The following KHDRBS1 variants were observed in gnomAD, a reference collection of about 807,000 sequenced individuals.
KHDRBS1 encodes KH domain-containing, RNA-binding, signal transduction-associated protein 1.
A neutral mutation model predicts 48.4 loss-of-function variants in KHDRBS1; 7 were observed. The ratio of observed to expected loss-of-function variants is 0.14; its 90% CI spans 0.08 to 0.27. KHDRBS1 has a LOEUF of 0.27. Among genes scored for constraint, KHDRBS1 ranks in the 10% least tolerant of loss-of-function variants. The probability of loss-of-function intolerance (pLI) is 1.00; values close to 1 mark genes in which losing one functional copy is unlikely to be tolerated. For missense variants in KHDRBS1, 458 were observed against 601.2 expected (o/e 0.76, Z 2.49); for synonymous variants, 241 against 235.8 (o/e 1.02, Z -0.20).
intron 1 of KHDRBS1, among the ~76,000 whole-genome samples, chr1:32,021,043 T>C (rs182732720): frequency 4.0e-4 from 61 of 152,276 alleles, no homozygotes; most frequent in Middle Eastern, 3.4e-3. Context: ...ATATGCAAAA[T>C]GTTATGGGGA....
chr1:32,055,145 G>A lies in KHDRBS1; in HGVS notation n.1302-5018G>A, dbSNP rs147960361. ...CTCCTAGCTTGGTTTCCAGATTCCTGAAGTTTAAAAACTTGGATCCTGGGC... is the reference window on the plus strand; with the variant it reads ...CTCCTAGCTTGGTTTCCAGATTCCTAAAGTTTAAAAACTTGGATCCTGGGC... On this transcript the variant is annotated intron_variant and non_coding_transcript_variant, in intron 10 of 10. Transcript: ENST00000484270. 5.7e-3 allele frequency among the ~76,000 whole-genome samples: 865 copies of A among 152,214 alleles called. 10 individuals are homozygous for A. The highest frequency in any genetic ancestry group is 0.02 in the African/African-American group (833 of 41,552).
intron 1 of KHDRBS1, among the ~76,000 whole-genome samples, chr1:32,022,995 A>C (rs952492267): frequency 6.6e-6 from 1 of 152,078 alleles, no homozygotes; most frequent in African/African-American, 2.4e-5. Context: ...CTCTAATATT[A>C]ACTTTTTTTG....
intron 10 of KHDRBS1, among the ~76,000 whole-genome samples, chr1:32,058,748 A>G (rs1639510268): frequency 6.6e-6 from 1 of 152,146 alleles, no homozygotes; most frequent in Non-Finnish European, 1.5e-5. Flanking sequence ...GGTTGTAGTG[A>G]ATTGAGATCG....
downstream of KHDRBS1, among the ~76,000 whole-genome samples, chr1:32,045,931 C>T (rs187491759): frequency 6.6e-6 from 1 of 152,122 alleles, no homozygotes; most frequent in Non-Finnish European, 1.5e-5. Flanking sequence ...AGCTGAGTCA[C>T]ATGCGTAAGA....
chr1:32,016,580 T>C (rs1638744909), intron 1 of KHDRBS1, among the ~76,000 whole-genome samples: 4 of 152,022 alleles, frequency 2.6e-5, no homozygotes, highest in Admixed American at 2.0e-4. Flanking sequence ...AAGGCTAAGA[T>C]ACAGAAAGGA....
intron 10 of KHDRBS1, among the ~76,000 whole-genome samples, chr1:32,051,732 A>G (rs1248989182): frequency 2.0e-5 from 3 of 152,148 alleles, no homozygotes; most frequent in Admixed American, 6.5e-5. Flanking sequence ...TTCCTTACCT[A>G]CGGATACAGG....
chr1:32,039,395 A>G (rs1286286231), intron 7 of KHDRBS1, 120 bp from the exon 8 acceptor site: 17 of 695,462 alleles, frequency 2.4e-5, no homozygotes, highest in Admixed American at 1.0e-4. Context: ...GGGATGGGGC[A>G]GAATGAGTAT....
At chr1:32,037,686 C>T in intron 5 of KHDRBS1, 149 bp from the exon 6 acceptor site, 1 of 844,552 alleles carries the variant, frequency 1.2e-6, no homozygotes, top group Non-Finnish European at 1.9e-6. Flanking sequence ...CAGTGTGGGT[C>T]CTTTACCCTG....
chr1:32,033,078 C>T, intron 3 of KHDRBS1, 110 bp from the exon 4 acceptor site: 1 of 748,806 alleles, frequency 1.3e-6, no homozygotes, highest in Non-Finnish European at 2.3e-6. Context: ...ATTAACTTTA[C>T]TGTTTTTCAT....
rs542002614 is a variant in KHDRBS1, at chr1:32,013,925, C to T, written c.-71C>T. Reference sequence around the variant, plus strand: ...GCTACCGCTCCCGCTCTGCCACCCCCGCCAACCGCCGCTCGGGCCTCCGTC... The same window carrying T: ...GCTACCGCTCCCGCTCTGCCACCCCTGCCAACCGCCGCTCGGGCCTCCGTC... On this transcript the variant is annotated 5_prime_UTR_variant, in exon 1 of 9. Coordinates refer to ENST00000327300, the MANE Select transcript of KHDRBS1 (RefSeq NM_006559.3). 2.9e-5 allele frequency: 39 copies of T among 1,333,358 alleles called. No homozygotes were observed. Among genetic ancestry groups the T allele is most frequent in the Non-Finnish European group, 3.6e-5 (37 of 1,040,724 alleles). 82.6% of individuals were successfully genotyped at this position (1,333,358 alleles called of 1,614,324 possible). A position where few individuals can be genotyped will look rare whatever the true frequency, so the allele number is the denominator to read the frequency against.
At chr1:32,047,237 C>T (rs181286625), downstream of KHDRBS1, among the ~76,000 whole-genome samples, 137 of 152,306 alleles carry the variant, frequency 9.0e-4, no homozygotes, top group Non-Finnish European at 1.5e-3. Context: ...CAGCTTACTG[C>T]GACCTCCACC....
intron 8 of KHDRBS1, among the ~76,000 whole-genome samples, chr1:32,040,033 T>G (rs1362528192): frequency 6.6e-6 from 1 of 151,892 alleles, no homozygotes; most frequent in East Asian, 1.9e-4. Flanking sequence ...TAGATCTCAT[T>G]GAAAAGAATG....
chr1:32,037,342 G>T (rs1639202968), intron 5 of KHDRBS1, among the ~76,000 whole-genome samples: 1 of 151,898 alleles, frequency 6.6e-6, no homozygotes, highest in Non-Finnish European at 1.5e-5. Context: ...TACTCAGGAG[G>T]CTGGGGCAAG....
intron 4 of KHDRBS1, among the ~76,000 whole-genome samples, chr1:32,035,322 C>G (rs1639155910): frequency 6.6e-6 from 1 of 152,060 alleles, no homozygotes; most frequent in Non-Finnish European, 1.5e-5. Flanking sequence ...TTACTTGATT[C>G]TCCAAGGTGT....
At chr1:32,049,799 A>G (rs2124397904) in intron 10 of KHDRBS1, among the ~76,000 whole-genome samples, 1 of 151,508 alleles carries the variant, frequency 6.6e-6, no homozygotes, top group African/African-American at 2.4e-5. Flanking sequence ...GCAGCTGGGA[A>G]TATAGGCACG....
At chr1:32,025,976 G>A (rs965850559) in intron 1 of KHDRBS1, among the ~76,000 whole-genome samples, 12 of 149,382 alleles carry the variant, frequency 8.0e-5, no homozygotes, top group African/African-American at 3.0e-4. Flanking sequence ...ACAGGGTCTC[G>A]CTGTGTTGCC....
rs754077786 is a variant in KHDRBS1, at chr1:32,014,049, C to T, written c.54C>T (p.Ser18=). The T allele has an allele frequency of 9.9e-6, 15 of 1,517,152 alleles. No individual in the cohort carries two copies. In the South Asian group the frequency reaches 1.6e-4, roughly 16 times the overall value. The allele number at this position is 1,517,152 out of a possible 1,614,324, so 94.0% of individuals were successfully genotyped here. A position where few individuals can be genotyped will look rare whatever the true frequency, so the allele number is the denominator to read the frequency against. ...AARMSRSSGR[S]GSMDPSGAHP... The stretch of plus-strand genomic sequence containing the variant: ...GCATGAGCCGGTCTTCGGGCCGTAG[C>T]GGCTCCATGGACCCCTCCGGTGCCC... Residue 18 remains serine (S), a synonymous_variant, in exon 1 of 9, where the codon AGC becomes AGT. Transcript: ENST00000327300.
At chr1:32,030,805 TA>T (rs897836760) in intron 2 of KHDRBS1, among the ~76,000 whole-genome samples, 4 of 151,686 alleles carry the variant, frequency 2.6e-5, no homozygotes, top group Non-Finnish European at 2.9e-5. Flanking sequence ...ATTTTCTTAC[TA>T]AAAGTTTACT....
intron 8 of KHDRBS1, 93 bp from the exon 9 acceptor site, chr1:32,042,434 T>C (rs1267176044): frequency 3.9e-6 from 3 of 764,364 alleles, no homozygotes; most frequent in Non-Finnish European, 6.8e-6. Flanking sequence ...AGAAACTCAG[T>C]GTTTTTGGTG....
Sources: gnomAD v4.1 joint callset for allele counts (sites outside exome capture counted in the v4.1 genomes callset) on GRCh38, gnomAD v4.1.1 for gene constraint, MANE v1.5 for transcripts, NCBI Gene and HGNC (gene_info 2026-07-23, HGNC 2026-07-21) for gene names.